Variants in MEG3 observed in about 807,000 individuals in gnomAD.
MEG3 encodes Very putative protein from MEG3 locus.
At chr14:100,860,945 G>A (rs1000098373) in exon 2 of MEG3, 22 of 327,384 alleles carry the variant, frequency 6.7e-5, no homozygotes, top group African/African-American at 4.0e-4. Context: ...GTTGTGAGGG[G>A]CGCTGTGATG....
At chr14:100,840,264 C>T (rs1009272452) in intron 2 of MEG3, among the ~76,000 whole-genome samples, 1 of 152,180 alleles carries the variant, frequency 6.6e-6, no homozygotes, top group Non-Finnish European at 1.5e-5. Context: ...GGCTGCCCAC[C>T]ACCTTCGGCT....
At chr14:100,842,056 T>C (rs1216190130) in intron 2 of MEG3, among the ~76,000 whole-genome samples, 1 of 152,128 alleles carries the variant, frequency 6.6e-6, no homozygotes, top group Admixed American at 6.5e-5. Context: ...CCCAGCTATC[T>C]CTGTGTGCTG....
upstream of MEG3, chr14:100,856,213 T>A (rs2038237716): frequency 2.0e-5 from 3 of 152,262 alleles, no homozygotes; most frequent in Admixed American, 2.0e-4. Context: ...CCAAGGCACG[T>A]GGCATTTTGC....
At chr14:100,835,921 T>C in intron 1 of MEG3, 1 of 301,616 alleles carries the variant, frequency 3.3e-6, no homozygotes, top group Non-Finnish European at 6.3e-6. Flanking sequence ...GCCGTGGCCC[T>C]GAGAGTCCTG....
rs1484996688 is a variant in MEG3, at chr14:100,837,364, A to G, written n.3045+1064A>G. The stretch of plus-strand genomic sequence containing the variant: ...AGGATCCTGGCACCCCTCATATATG[A>G]CGCCCCTGGGGTGGCCATTGTGGTG... On this transcript the variant is annotated intron_variant and non_coding_transcript_variant, in intron 2 of 3. Coordinates refer to the MEG3 transcript ENST00000398461. This position sits in a 1 kb window ranked among gnomAD's most constrained non-coding sequence, Gnocchi z 5.8. Among the ~76,000 whole-genome samples, 1 of 152,020 alleles carries G rather than the reference A, an allele frequency of 6.6e-6. No homozygotes were observed. Among genetic ancestry groups the G allele is most frequent in the East Asian group, 1.9e-4 (1 of 5,178 alleles).
chr14:100,844,888 G>A (rs1202715069), intron 2 of MEG3, among the ~76,000 whole-genome samples: 1 of 152,212 alleles, frequency 6.6e-6, no homozygotes, highest in African/African-American at 2.4e-5. Context: ...GATGTGCCTG[G>A]CCATGGTGCT....
chr14:100,835,861 C>G (rs1370572345), exon 1 of MEG3: 1 of 268,398 alleles, frequency 3.7e-6, no homozygotes, highest in Non-Finnish European at 7.2e-6. Flanking sequence ...TCCCAGAGAC[C>G]CCTCGTGATC....
intron 3 of MEG3, chr14:100,847,038 A>C (rs80131516): frequency 6.6e-6 from 1 of 152,020 alleles, no homozygotes; most frequent in Non-Finnish European, 1.5e-5. Context: ...AAAAAAAAAA[A>C]CAGACTAGAG....
chr14:100,841,059 C>T (rs2139970629), intron 2 of MEG3, among the ~76,000 whole-genome samples: 1 of 152,266 alleles, frequency 6.6e-6, no homozygotes, highest in East Asian at 1.9e-4. Context: ...TCATGGTGGC[C>T]CGCAGGGATG....
In MEG3 at chr14:100,838,961, T is replaced by C. The variant is rs118098037; in HGVS notation, n.3045+2661T>C. ...TTCAAACCCCAAATGAATTTCCAAG[T>C]ACATTTCTCCAAATAATGTCAAAAC... On this transcript the variant is annotated intron_variant and non_coding_transcript_variant, in intron 2 of 3. Transcript: ENST00000398461. Among the ~76,000 whole-genome samples the C allele has an allele frequency of 2.3e-4, 35 of 152,338 alleles. No homozygotes were observed. In the East Asian group the frequency reaches 6.7e-3, roughly 29 times the overall value.
At chr14:100,829,535 G>T (rs1476408207), downstream of MEG3, 3 of 152,238 alleles carry the variant, frequency 2.0e-5, no homozygotes, top group Non-Finnish European at 4.4e-5. Context: ...GGGGAATGGG[G>T]TCGATGAGAG....
At chr14:100,842,127 G>A (rs1008507684) in intron 2 of MEG3, among the ~76,000 whole-genome samples, 2 of 152,206 alleles carry the variant, frequency 1.3e-5, no homozygotes, top group Admixed American at 6.5e-5. Flanking sequence ...GGTTATTACC[G>A]TGGTGGGCTG....
chr14:100,826,308 A>G lies in MEG3; in HGVS notation n.372-2400A>G, dbSNP rs1417161082. 5 of 152,378 alleles carry G rather than the reference A, an allele frequency of 3.3e-5. No homozygotes were observed. The East Asian group carries it at 9.7e-4, about 29-fold the overall frequency. The allele number at this position is 152,378 out of a possible 1,614,324, so 9.4% of individuals were successfully genotyped here. A position where few individuals can be genotyped will look rare whatever the true frequency, so the allele number is the denominator to read the frequency against. On this transcript the variant is annotated intron_variant and non_coding_transcript_variant, in intron 1 of 2. Coordinates refer to ENST00000556407, the Ensembl canonical transcript of MEG3. ...GGGCTCTGTCCTCCTGGACATGCCG[A>G]GAGCCTGCCTGATCCTGGGTCCTGC...
chr14:100,840,225 C>T (rs1245493846), intron 2 of MEG3, among the ~76,000 whole-genome samples: 1 of 152,220 alleles, frequency 6.6e-6, no homozygotes, highest in Admixed American at 6.5e-5. Context: ...ATGGAGAGTT[C>T]TTAAGTCCCC....
chr14:100,841,334 C>T (rs1458505320), intron 2 of MEG3, among the ~76,000 whole-genome samples: 3 of 152,252 alleles, frequency 2.0e-5, no homozygotes, highest in African/African-American at 2.4e-5. Context: ...ACCTTGGCCC[C>T]TGTCTCCAGC....
chr14:100,837,447 C>T lies in MEG3; in HGVS notation n.3045+1147C>T, dbSNP rs558108064. On this transcript the variant is annotated intron_variant and non_coding_transcript_variant, in intron 2 of 3. Coordinates refer to the MEG3 transcript ENST00000398461. This position sits in a 1 kb window ranked among gnomAD's most constrained non-coding sequence, Gnocchi z 5.8. ...GGTGGGCGCTGAGAAAGGTCTGAAC[C>T]GTGGGGTGAGGCTGGCTCCATTCCC... Among the ~76,000 whole-genome samples, 4 of 152,208 alleles carry T rather than the reference C, an allele frequency of 2.6e-5. No homozygotes were observed. The highest frequency in any genetic ancestry group is 7.2e-5 in the African/African-American group (3 of 41,510).
downstream of MEG3, chr14:100,833,138 A>C (rs2037445457): frequency 6.6e-6 from 1 of 151,788 alleles, no homozygotes; most frequent in African/African-American, 2.4e-5. Flanking sequence ...AAGAGGGCAT[A>C]GTTTGGGGTT....
intron 3 of MEG3, chr14:100,848,103 A>G (rs2037969344): frequency 6.6e-6 from 1 of 152,218 alleles, no homozygotes; most frequent in African/African-American, 2.4e-5. Flanking sequence ...GAGAGAAACA[A>G]TAAAAAATGG....
At chr14:100,840,445 C>A (rs1047384810) in intron 2 of MEG3, among the ~76,000 whole-genome samples, 1 of 152,152 alleles carries the variant, frequency 6.6e-6, no homozygotes, top group Non-Finnish European at 1.5e-5. Flanking sequence ...GAGGGCTGAG[C>A]GCAGATGAGT....
Sources: allele counts gnomAD v4.1 joint callset (sites outside exome capture counted in the v4.1 genomes callset), GRCh38; gene constraint gnomAD v4.1.1; non-coding constraint Gnocchi (gnomAD v3.1); transcripts MANE v1.5; gene names NCBI Gene and HGNC (gene_info 2026-07-23, HGNC 2026-07-21).